The following HIPK2 variants were observed in gnomAD, a reference collection of about 807,000 sequenced individuals.
The protein encoded by HIPK2 is homeodomain interacting protein kinase 2.
Under a neutral mutation model 113.7 loss-of-function variants are expected in HIPK2, and 27 were observed. The observed-to-expected ratio is 0.24, with a 90% CI of 0.17 to 0.33. The LOEUF is 0.33. Among genes scored for constraint, HIPK2 ranks in the 10% least tolerant of loss-of-function variants. The pLI, the probability that HIPK2 is intolerant of heterozygous loss-of-function variation, is 1.00. For missense variants in HIPK2, 1,257 were observed against 1,588.0 expected, an observed-to-expected ratio of 0.79 and a Z score of 3.54; for synonymous variants, 631 against 642.2, an observed-to-expected ratio of 0.98 and a Z score of 0.26.
In HIPK2 at chr7:139,735,100, G is replaced by A. The variant is rs549399443; in HGVS notation, c.20-18085C>T. Among the ~76,000 whole-genome samples the A allele has an allele frequency of 2.6e-4, 39 of 152,304 alleles. 1 individual carries two copies. The highest frequency in any genetic ancestry group is 9.4e-4 in the African/African-American group (39 of 41,544). On this transcript the variant is annotated intron_variant, in intron 1 of 14. Coordinates refer to ENST00000406875, the MANE Select transcript of HIPK2 (RefSeq NM_022740.5). ...AGTAAGTCATAGGTTTTTCACTGTC[G>A]AGGGGGGAAGGGAATATTTGATTCT...
chr7:139,578,599 T>C (rs1440952798), intron 13 of HIPK2, among the ~76,000 whole-genome samples: 1 of 152,270 alleles, frequency 6.6e-6, no homozygotes, highest in African/African-American at 2.4e-5. Context: ...TACTCAGTTA[T>C]TTTTCTTCAT....
chr7:139,614,501 A>T lies in HIPK2; in HGVS notation c.1783-8T>A. On this transcript the variant is annotated splice_polypyrimidine_tract_variant and splice_region_variant and intron_variant, in intron 7 of 14. Transcript: ENST00000406875. Reference sequence around the variant, plus strand: ...ACTGGTAGAGGAGGGAGCCTAAAGGAGTGATGGGGATTAAACAAAAATAAA... The same window carrying T: ...ACTGGTAGAGGAGGGAGCCTAAAGGTGTGATGGGGATTAAACAAAAATAAA... The T allele has an allele frequency of 7.3e-7, 1 of 1,368,614 alleles. No individual in the cohort carries two copies. Among genetic ancestry groups the T allele is most frequent in the Non-Finnish European group, 9.5e-7 (1 of 1,047,900 alleles). The allele number at this position is 1,368,614 out of a possible 1,614,324, so 84.8% of individuals were successfully genotyped here.
In HIPK2 at chr7:139,562,222, C is replaced by T. The variant is rs1797968502; in HGVS notation, c.*10705G>A. 6.6e-6 allele frequency: 1 copy of T among 152,196 alleles called. No homozygotes were observed. Among genetic ancestry groups the T allele is most frequent in the South Asian group, 2.1e-4 (1 of 4,834 alleles). 9.4% of individuals were successfully genotyped at this position (152,196 alleles called of 1,614,324 possible). On this transcript the variant is annotated 3_prime_UTR_variant, in exon 15 of 15. Transcript: ENST00000406875. Reference sequence around the variant, plus strand: ...TTTCACACAGATTAACATGGATTAACACTTTTTATTACAGAAACCGTACGG... The same window carrying T: ...TTTCACACAGATTAACATGGATTAATACTTTTTATTACAGAAACCGTACGG...
chr7:139,629,071 G>A (rs746416143), intron 4 of HIPK2, 32 bp from the exon 5 acceptor site: 24 of 1,539,090 alleles, frequency 1.6e-5, no homozygotes, highest in South Asian at 1.2e-5. Context: ...AATTGGTAGC[G>A]TGACTTAGCT....
intron 1 of HIPK2, among the ~76,000 whole-genome samples, chr7:139,733,063 C>G (rs757938784): frequency 2.0e-5 from 3 of 151,998 alleles, no homozygotes; most frequent in Admixed American, 6.6e-5. Context: ...GCACCTCCCC[C>G]CTCACTCTCT....
intron 1 of HIPK2, among the ~76,000 whole-genome samples, chr7:139,769,195 G>A (rs1024249505): frequency 3.3e-5 from 5 of 150,746 alleles, no homozygotes; most frequent in African/African-American, 7.4e-5. Flanking sequence ...ACAAGTGCTC[G>A]ATGCGTGTTC....
chr7:139,725,832 C>T (rs1795559311), intron 1 of HIPK2, among the ~76,000 whole-genome samples: 2 of 152,206 alleles, frequency 1.3e-5, no homozygotes, highest in Admixed American at 6.5e-5. Flanking sequence ...AGTCACTTCG[C>T]CTCTGCTAGC....
Position 139,613,283 on chromosome 7 carries a change from C to T in HIPK2, c.2031G>A (p.Val677=), listed in dbSNP as rs762155464. ...ASPSKHAGYS[V]RMENAVPIVT... is the part of the protein sequence containing the mutation. ...CGATGGGAACTGCATTTTCCATTCGCACCGAGTAGCCAGCGTGCTTAGAGG... is the reference window on the plus strand; with the variant it reads ...CGATGGGAACTGCATTTTCCATTCGTACCGAGTAGCCAGCGTGCTTAGAGG... The change falls in exon 9 of 15, where the codon GTG becomes GTA. Residue 677 remains valine (V), a synonymous_variant. Coordinates refer to ENST00000406875, the MANE Select transcript of HIPK2 (RefSeq NM_022740.5). This position sits in a 1 kb window ranked among gnomAD's most constrained non-coding sequence, Gnocchi z 4.2. 2 of 1,613,638 alleles carry T rather than the reference C, an allele frequency of 1.2e-6. No homozygotes were observed. Among genetic ancestry groups the T allele is most frequent in the Non-Finnish European group, 1.7e-6 (2 of 1,179,764 alleles).
intron 2 of HIPK2, among the ~76,000 whole-genome samples, chr7:139,709,211 G>C (rs1230679553): frequency 6.6e-6 from 1 of 152,150 alleles, no homozygotes; most frequent in Non-Finnish European, 1.5e-5. Context: ...GAAGTTGTCG[G>C]TGGGTTGAAC....
intron 2 of HIPK2, among the ~76,000 whole-genome samples, chr7:139,695,967 A>G (rs1794555018): frequency 6.6e-6 from 1 of 152,088 alleles, no homozygotes; most frequent in South Asian, 2.1e-4. Flanking sequence ...TTAAGGGGGG[A>G]AGAAAAGTAT....
intron 2 of HIPK2, among the ~76,000 whole-genome samples, chr7:139,703,780 ACACACACCACACACACACCCCACACCC>A (rs1794785893): frequency 7.3e-6 from 1 of 136,288 alleles, no homozygotes; most frequent in Admixed American, 7.4e-5. Flanking sequence ...ACTACACCCA[ACACACACCACACACACACCCCACACCC>A]CACACACTAC....
chr7:139,576,583 T>C (rs1798499162), intron 13 of HIPK2, among the ~76,000 whole-genome samples: 1 of 152,146 alleles, frequency 6.6e-6, no homozygotes, highest in African/African-American at 2.4e-5. Context: ...CATCCAAGTA[T>C]TTTCTGAGCT....
At chr7:139,767,730 G>A (rs1329260849) in intron 1 of HIPK2, among the ~76,000 whole-genome samples, 1 of 152,262 alleles carries the variant, frequency 6.6e-6, no homozygotes, top group Admixed American at 6.5e-5. Flanking sequence ...AGGAAAAGGA[G>A]AGCAGAGGAT....
At chr7:139,733,806 C>T (rs79963759) in intron 1 of HIPK2, among the ~76,000 whole-genome samples, 7,267 of 152,226 alleles carry the variant, frequency 0.048, 595 homozygotes, top group African/African-American at 0.17. Context: ...AAGAAGTACG[C>T]AAGAAGTAGC....
chr7:139,672,590 T>A (rs569384846), intron 2 of HIPK2, among the ~76,000 whole-genome samples: 1 of 152,122 alleles, frequency 6.6e-6, no homozygotes, highest in African/African-American at 2.4e-5. Flanking sequence ...CTCAGCCTCC[T>A]GAGTAGCTAC....
chr7:139,693,875 A>G (rs185559728), intron 2 of HIPK2, among the ~76,000 whole-genome samples: 2 of 152,352 alleles, frequency 1.3e-5, no homozygotes, highest in African/African-American at 2.4e-5. Flanking sequence ...ACTAAAATGC[A>G]GTATCCCGCA....
intron 1 of HIPK2, among the ~76,000 whole-genome samples, chr7:139,763,918 A>G (rs376741372): frequency 6.6e-6 from 1 of 152,192 alleles, no homozygotes; most frequent in Non-Finnish European, 1.5e-5. Flanking sequence ...CTGTCTATAT[A>G]GTGCCACATT....
Position 139,613,730 on chromosome 7 carries a change from T to C in HIPK2, c.1991-407A>G, listed in dbSNP as rs1569454151. Among the ~76,000 whole-genome samples the C allele has an allele frequency of 6.6e-6, 1 of 152,188 alleles. No homozygotes were observed. The highest frequency in any genetic ancestry group is 1.5e-5 in the Non-Finnish European group (1 of 68,034). ...ACCACACAGTTTACACCATGAGGCT[T>C]GCAAAAATAAATTCTTAAGCTTTCT... On this transcript the variant is annotated intron_variant, in intron 8 of 14. Coordinates refer to ENST00000406875, the MANE Select transcript of HIPK2 (RefSeq NM_022740.5). The surrounding 1 kb of genome is among the most constrained non-coding windows in gnomAD (Gnocchi z 4.2).
chr7:139,672,085 C>G (rs1228139211), intron 2 of HIPK2, among the ~76,000 whole-genome samples: 5 of 20,354 alleles, frequency 2.5e-4, no homozygotes, highest in Non-Finnish European at 3.8e-4. Flanking sequence ...ATAGCTTACT[C>G]ATTCATTGTT....
Sources: allele counts gnomAD v4.1 joint callset (sites outside exome capture counted in the v4.1 genomes callset), GRCh38; gene constraint gnomAD v4.1.1; non-coding constraint Gnocchi (gnomAD v3.1); transcripts MANE v1.5; gene names NCBI Gene and HGNC (gene_info 2026-07-23, HGNC 2026-07-21).